STX8: variants seen among roughly 807,000 people sequenced by gnomAD.
STX8 encodes syntaxin-8.
In STX8, 23 loss-of-function variants were observed where a neutral mutation model predicts 37.5. That is an observed-to-expected ratio of 0.61 (90% CI 0.44 to 0.87). The LOEUF (loss-of-function observed/expected upper bound fraction) is 0.87, where lower values mean the gene tolerates loss of function less well. Among genes scored for constraint, STX8 ranks in the 40% least tolerant of loss-of-function variants. The pLI is 0.00. For synonymous variants in STX8, 115 were observed against 99.1 expected, an observed-to-expected ratio of 1.16 and a Z score of -0.95; for missense variants, 313 against 284.7, an observed-to-expected ratio of 1.10 and a Z score of -0.71.
At chr17:9,545,021 A>G (rs1434549237) in intron 4 of STX8, 151 bp downstream of exon 4, 1 of 599,934 alleles carries the variant, frequency 1.7e-6, no homozygotes, top group African/African-American at 1.9e-5. Flanking sequence ...ATTAACGAAA[A>G]CTAAATTGAG....
chr17:9,348,629 C>G (rs914787873), intron 7 of STX8, among the ~76,000 whole-genome samples: 1 of 152,106 alleles, frequency 6.6e-6, no homozygotes, highest in African/African-American at 2.4e-5. Flanking sequence ...GTGCTAGTTG[C>G]TGGGAATCAG....
At chr17:9,494,733 GTT>G in intron 5 of STX8, among the ~76,000 whole-genome samples, 1 of 150,906 alleles carries the variant, frequency 6.6e-6, no homozygotes, top group Middle Eastern at 3.4e-3. Flanking sequence ...AGCAAAGTTA[GTT>G]TTTGAAAATT....
intron 7 of STX8, among the ~76,000 whole-genome samples, chr17:9,309,378 C>T (rs1909113836): frequency 6.6e-6 from 1 of 152,164 alleles, no homozygotes; most frequent in African/African-American, 2.4e-5. Context: ...CTCAGGGCTT[C>T]TTCTTGAAAG....
chr17:9,571,783 C>T (rs1370401345), intron 1 of STX8, among the ~76,000 whole-genome samples: 1 of 151,116 alleles, frequency 6.6e-6, no homozygotes, highest in Admixed American at 6.6e-5. Context: ...GGCATGGTGG[C>T]GGGTGCTTGT....
rs201127979 is a variant in STX8 at position 9,526,168 on chromosome 17, ACG to A, written c.323+19002_323+19003del. On this transcript the variant is annotated intron_variant, in intron 4 of 7. Transcript: ENST00000306357. ...GGAATCATGGTAAGATTTCAAAAGT[ACG>A]AGAGACAAAGCCCAAGGGACAAAAC... Among the ~76,000 whole-genome samples the A allele has an allele frequency of 1.4e-4, 16 of 117,060 alleles. No individual in the cohort carries two copies. In the East Asian group the frequency reaches 3.4e-3, roughly 25 times the overall value. 76.8% of individuals were successfully genotyped at this position (117,060 alleles called of 152,430 possible). A position where few individuals can be genotyped will look rare whatever the true frequency, so the allele number is the denominator to read the frequency against.
chr17:9,430,342 C>T (rs1913912389), intron 6 of STX8, among the ~76,000 whole-genome samples: 1 of 149,366 alleles, frequency 6.7e-6, no homozygotes, highest in African/African-American at 2.5e-5. Flanking sequence ...AAAATTATCT[C>T]AAACAGCAAC....
chr17:9,396,190 G>C (rs1332851754), intron 6 of STX8, among the ~76,000 whole-genome samples: 1 of 152,182 alleles, frequency 6.6e-6, no homozygotes, highest in Non-Finnish European at 1.5e-5. Context: ...ATAATTTACA[G>C]ATTATCAACA....
At chr17:9,563,451 T>G (rs1264516913) in intron 2 of STX8, among the ~76,000 whole-genome samples, 1 of 152,134 alleles carries the variant, frequency 6.6e-6, no homozygotes, top group Non-Finnish European at 1.5e-5. Flanking sequence ...CCCAAAGTGC[T>G]GGGATTACAG....
intron 7 of STX8, among the ~76,000 whole-genome samples, chr17:9,329,668 G>T (rs1186845354): frequency 6.6e-6 from 1 of 152,220 alleles, no homozygotes; most frequent in Non-Finnish European, 1.5e-5. Flanking sequence ...AGTCCCATCG[G>T]ACCACTCAGG....
intron 3 of STX8, among the ~76,000 whole-genome samples, chr17:9,550,315 A>G (rs915441458): frequency 1.3e-5 from 2 of 152,136 alleles, no homozygotes; most frequent in African/African-American, 2.4e-5. Flanking sequence ...AAGGAAGAAG[A>G]TAAGAGAACA....
intron 6 of STX8, among the ~76,000 whole-genome samples, chr17:9,424,458 C>T (rs541802463): frequency 6.6e-6 from 1 of 152,198 alleles, no homozygotes; most frequent in Admixed American, 6.5e-5. Flanking sequence ...ACTCACCCTG[C>T]CTCCAGGCCC....
Position 9,455,253 on chromosome 17 carries a change from A to C in STX8, c.541+36576T>G, listed in dbSNP as rs533898033. On this transcript the variant is annotated intron_variant, in intron 6 of 7. Transcript: ENST00000306357. ...GGTGGCTCACGCCTGTAATCCTAGC[A>C]ATTTGGGAGGCCGAGGTGGGCGGAT... is the stretch of plus-strand genomic sequence containing the variant. Among the ~76,000 whole-genome samples the C allele has an allele frequency of 2.6e-4, 40 of 151,682 alleles. No homozygotes were observed. In the South Asian group the frequency reaches 8.2e-3, roughly 31 times the overall value.
intron 4 of STX8, among the ~76,000 whole-genome samples, chr17:9,517,488 C>G (rs1321176998): frequency 6.6e-6 from 1 of 152,050 alleles, no homozygotes; most frequent in African/African-American, 2.4e-5. Flanking sequence ...TCATGTGAAT[C>G]GCACACAGCC....
At chr17:9,462,558 C>T (rs938957458) in intron 6 of STX8, among the ~76,000 whole-genome samples, 5 of 152,070 alleles carry the variant, frequency 3.3e-5, no homozygotes, top group African/African-American at 1.2e-4. Context: ...CCTGTCTCTA[C>T]TAAAAGTACA....
chr17:9,385,114 T>C (rs1040179269), intron 6 of STX8, among the ~76,000 whole-genome samples: 2 of 152,126 alleles, frequency 1.3e-5, no homozygotes, highest in Non-Finnish European at 2.9e-5. Flanking sequence ...GAAAAGAGAT[T>C]GGTCAATCTG....
chr17:9,523,010 G>A (rs1055455962), intron 4 of STX8, among the ~76,000 whole-genome samples: 1 of 151,874 alleles, frequency 6.6e-6, no homozygotes, highest in African/African-American at 2.4e-5. Context: ...TTATATACAT[G>A]TATCAAAATA....
intron 7 of STX8, among the ~76,000 whole-genome samples, chr17:9,274,065 A>G (rs1907566375): frequency 6.6e-6 from 1 of 152,178 alleles, no homozygotes; most frequent in Admixed American, 6.5e-5. Context: ...GTACTTACTC[A>G]TGAGAATTTT....
chr17:9,543,299 G>GT (rs111248274), intron 4 of STX8, among the ~76,000 whole-genome samples: 55,504 of 91,734 alleles, frequency 0.61, 10,774 homozygotes, highest in African/African-American at 0.65. Flanking sequence ...ACAGTTTTTT[G>GT]GTTTTTTTTT....
intron 6 of STX8, among the ~76,000 whole-genome samples, chr17:9,447,730 G>A (rs536186591): frequency 6.6e-6 from 1 of 152,154 alleles, no homozygotes; most frequent in African/African-American, 2.4e-5. Flanking sequence ...GCCTTGAGAA[G>A]TTTTTAAAGC....
Sources: gnomAD v4.1 joint callset for allele counts (sites outside exome capture counted in the v4.1 genomes callset) on GRCh38, gnomAD v4.1.1 for gene constraint, MANE v1.5 for transcripts, NCBI Gene and HGNC (gene_info 2026-07-23, HGNC 2026-07-21) for gene names.